The following ZBTB20 variants were observed in gnomAD, a reference collection of about 807,000 sequenced individuals.
The protein encoded by ZBTB20 is zinc finger and BTB domain-containing protein 20.
Under a neutral mutation model 56.9 loss-of-function variants are expected in ZBTB20, and 9 were observed. The ratio of observed to expected loss-of-function variants is 0.16; its 90% confidence interval spans 0.10 to 0.28. The LOEUF is 0.28. ZBTB20 is among the 10% of genes least tolerant of loss of function. The pLI is 1.00. For synonymous variants in ZBTB20, 417 were observed against 420.7 expected, an observed-to-expected ratio of 0.99 and a Z score of 0.11; for missense variants, 655 against 1,003.0, an observed-to-expected ratio of 0.65 and a Z score of 4.69.
intron 4 of ZBTB20, among the ~76,000 whole-genome samples, chr3:114,851,876 CTT>C (rs1158212743): frequency 5.3e-5 from 8 of 152,094 alleles, no homozygotes; most frequent in African/African-American, 1.9e-4. Context: ...TGTAATGCCT[CTT>C]AAGCAAAAAA....
At chr3:114,762,419 A>G (rs374935582) in intron 5 of ZBTB20, among the ~76,000 whole-genome samples, 2 of 152,162 alleles carry the variant, frequency 1.3e-5, no homozygotes, top group African/African-American at 4.8e-5. Context: ...CCAGCCACCC[A>G]TAATTCTTGA....
At chr3:114,505,649 C>T (rs955965428) in intron 6 of ZBTB20, among the ~76,000 whole-genome samples, 2 of 152,046 alleles carry the variant, frequency 1.3e-5, no homozygotes, top group Admixed American at 1.3e-4. Flanking sequence ...TTTTAACATC[C>T]CTTTAACGTT....
chr3:114,499,977 G>T (rs182433675), intron 7 of ZBTB20, among the ~76,000 whole-genome samples: 26 of 152,296 alleles, frequency 1.7e-4, no homozygotes, highest in African/African-American at 5.8e-4. Flanking sequence ...CTAGGGATGG[G>T]TACATAACTG....
At chr3:114,910,008 T>C (rs1269869400) in intron 3 of ZBTB20, among the ~76,000 whole-genome samples, 1 of 151,706 alleles carries the variant, frequency 6.6e-6, no homozygotes, top group African/African-American at 2.4e-5. Flanking sequence ...TTTTTTTAAA[T>C]GACTAATAAA....
At chr3:114,573,911 A>G (rs1313887688) in intron 6 of ZBTB20, among the ~76,000 whole-genome samples, 2 of 152,176 alleles carry the variant, frequency 1.3e-5, no homozygotes, top group East Asian at 3.8e-4. Context: ...TAAAAAGGCA[A>G]TAGAAATATC....
chr3:115,068,334 G>A (rs1294345563), intron 2 of ZBTB20, among the ~76,000 whole-genome samples: 2 of 152,092 alleles, frequency 1.3e-5, no homozygotes, highest in African/African-American at 2.4e-5. Flanking sequence ...CAAAACGGGT[G>A]AAATTTAAAT....
intron 2 of ZBTB20, among the ~76,000 whole-genome samples, chr3:115,015,214 A>G (rs1228993623): frequency 6.6e-6 from 1 of 151,902 alleles, no homozygotes; most frequent in Non-Finnish European, 1.5e-5. Flanking sequence ...CAGCTAATTA[A>G]GCAATATAAA....
At position 114,526,924 on chromosome 3, in the gene ZBTB20, T is replaced by TC. The variant is rs1401028251; in HGVS notation, c.-294-26534dup. ...ATGCCTGCTCTCCAGCTCCCCCTTC[T>TC]CCCCTCCTCCAGATCTTTTTTCAAT... On this transcript the variant is annotated intron_variant, in intron 6 of 11. Transcript: ENST00000675478. Among the ~76,000 whole-genome samples the TC allele has an allele frequency of 2.0e-5, 3 of 152,086 alleles. 1 individual carries two copies. Among genetic ancestry groups the TC allele is most frequent in the Middle Eastern group, 6.3e-3 (2 of 316 alleles).
chr3:114,467,689 A>G (rs1266234054), intron 7 of ZBTB20, among the ~76,000 whole-genome samples: 1 of 152,242 alleles, frequency 6.6e-6, no homozygotes, highest in Non-Finnish European at 1.5e-5. Context: ...TGGCATTATT[A>G]ACTCTGAAGC....
At chr3:114,588,015 C>T (rs933002951) in intron 6 of ZBTB20, among the ~76,000 whole-genome samples, 12 of 152,130 alleles carry the variant, frequency 7.9e-5, no homozygotes, top group African/African-American at 2.4e-4. Context: ...GGGTGTTTGG[C>T]GGCATCTCCT....
intron 6 of ZBTB20, among the ~76,000 whole-genome samples, chr3:114,680,106 A>G (rs2061879477): frequency 6.6e-6 from 1 of 152,174 alleles, no homozygotes; most frequent in Non-Finnish European, 1.5e-5. Context: ...GAACACAGCG[A>G]GGGGAACATT....
At chr3:114,779,341 C>T (rs2069881481) in intron 5 of ZBTB20, among the ~76,000 whole-genome samples, 1 of 152,098 alleles carries the variant, frequency 6.6e-6, no homozygotes, top group South Asian at 2.1e-4. Flanking sequence ...TTAACATTCC[C>T]ATTTATCACT....
At chr3:114,983,217 T>C (rs2078400066) in intron 2 of ZBTB20, among the ~76,000 whole-genome samples, 1 of 152,002 alleles carries the variant, frequency 6.6e-6, no homozygotes, top group South Asian at 2.1e-4. Context: ...GCAATGTTCA[T>C]GTAGCTGAAA....
chr3:114,525,611 T>G (rs1409550076), intron 6 of ZBTB20, among the ~76,000 whole-genome samples: 1 of 152,198 alleles, frequency 6.6e-6, no homozygotes, highest in African/African-American at 2.4e-5. Flanking sequence ...ACCAGCTGCT[T>G]TATATTTTCT....
intron 7 of ZBTB20, among the ~76,000 whole-genome samples, chr3:114,456,217 A>ATATATATATG (rs201419132): frequency 6.6e-6 from 1 of 151,362 alleles, no homozygotes; most frequent in African/African-American, 2.4e-5. Flanking sequence ...ATATATGGAG[A>ATATATATATG]GAGAGAGAGA....
intron 2 of ZBTB20, among the ~76,000 whole-genome samples, chr3:115,050,240 T>TCATAAAG (rs2081492594): frequency 6.6e-6 from 1 of 152,036 alleles, no homozygotes; most frequent in African/African-American, 2.4e-5. Flanking sequence ...AATAAAACGT[T>TCATAAAG]CATAAAGTTA....
rs149179361 is a variant in ZBTB20 at position 114,350,755 on chromosome 3, C to T, written c.1323G>A (p.Met441Ile). The change falls in exon 11 of 12, where the codon ATG becomes ATA. Residue 441 changes from methionine to isoleucine, a missense_variant. Physicochemically the swap from Met to Ile is conservative, Grantham distance 10. This residue lies in a region of ZBTB20 where 156 missense variants were observed against 181.0 expected (regional missense o/e 0.86). Transcript: ENST00000675478. ...TGCTGACAGTGATAACAGTGCTGTC[C>T]ATCTCCACTTCATTGCTTCTCTCCG... Reference protein sequence around the residue: ...SSPERSNEVEMDSTVITVSNS... With the variant: ...SSPERSNEVEIDSTVITVSNS... The T allele has an allele frequency of 7.4e-6, 12 of 1,614,134 alleles. No individual in the cohort carries two copies. The highest frequency in any genetic ancestry group is 1.0e-5 in the Non-Finnish European group (12 of 1,180,016).
rs375743570 is a variant in ZBTB20, at chr3:115,065,576, CAT to C, written c.-507+5641_-507+5642del. On this transcript the variant is annotated intron_variant, in intron 2 of 11. Coordinates refer to ENST00000675478, the MANE Select transcript of ZBTB20 (RefSeq NM_001348800.3). ...CTTACTAGGAAGGAACATGGAAAAA[CAT>C]GTGTTCAATCACGAAGTTTAACTGG... is the stretch of plus-strand genomic sequence containing the variant. 1.3e-4 allele frequency among the ~76,000 whole-genome samples: 20 copies of C among 152,258 alleles called. No homozygotes were observed. The East Asian group carries it at 2.3e-3, about 18-fold the overall frequency.
At chr3:114,805,633 T>C (rs551633974) in intron 4 of ZBTB20, among the ~76,000 whole-genome samples, 1 of 151,386 alleles carries the variant, frequency 6.6e-6, no homozygotes, top group South Asian at 2.1e-4. Flanking sequence ...TTATATAACA[T>C]ACAATCCACT....
Sources: allele counts gnomAD v4.1 joint callset (sites outside exome capture counted in the v4.1 genomes callset), GRCh38; gene constraint gnomAD v4.1.1; regional missense constraint gnomAD v4.1.1; transcripts MANE v1.5; gene names NCBI Gene and HGNC (gene_info 2026-07-23, HGNC 2026-07-21).